Variants in RIPOR2 observed in about 807,000 individuals in gnomAD.
RIPOR2 encodes the protein RHO family interacting cell polarization regulator 2.
RIPOR2 carries 39 observed loss-of-function variants against 114.5 expected under a neutral mutation model. The ratio of observed to expected loss-of-function variants is 0.34; its 90% confidence interval spans 0.26 to 0.44. RIPOR2 has a LOEUF of 0.44. Ranked by LOEUF, RIPOR2 falls within the 20% of genes least tolerant of loss-of-function variation. The probability of loss-of-function intolerance (pLI) is 1.00; values close to 1 mark genes in which losing one functional copy is unlikely to be tolerated. For missense variants in RIPOR2, 1,007 were observed against 1,255.1 expected (o/e 0.80, Z 2.99); for synonymous variants, 445 against 484.4 (o/e 0.92, Z 1.07).
At chr6:24,839,717 C>T (rs1761466905) in intron 13 of RIPOR2, 2 of 1,459,114 alleles carry the variant, frequency 1.4e-6, no homozygotes, top group South Asian at 1.5e-5. Flanking sequence ...CTAGTGCTCA[C>T]CCCAAAATAA....
At chr6:24,980,322 T>TA (rs1369516112) in intron 1 of RIPOR2, among the ~76,000 whole-genome samples, 3 of 152,236 alleles carry the variant, frequency 2.0e-5, no homozygotes, top group Admixed American at 6.5e-5. Context: ...TTGCGCCTGT[T>TA]ATAGTGGGAA....
At position 24,818,535 on chromosome 6, in the gene RIPOR2, G is replaced by A. The variant is rs1460349839; in HGVS notation, c.2952+7C>T. ...GCTGCCAGGGGAGCTCCAAGGCTGG[G>A]CTTTACCTCAAGGATTTTCAGAGCC... On this transcript the variant is annotated splice_region_variant and intron_variant, in intron 20 of 21. Transcript: ENST00000643898. The A allele has an allele frequency of 1.3e-6, 2 of 1,543,778 alleles. No homozygotes were observed. The highest frequency in any genetic ancestry group is 2.0e-5 in the Admixed American group (1 of 50,822).
Position 25,006,227 on chromosome 6 carries a change from C to G in RIPOR2, c.76+35624G>C, listed in dbSNP as rs561992723. 2.6e-5 allele frequency among the ~76,000 whole-genome samples: 4 copies of G among 152,284 alleles called. No individual in the cohort carries two copies. The East Asian group carries it at 7.7e-4, about 29-fold the overall frequency. The stretch of plus-strand genomic sequence containing the variant: ...AAGGATTACTTTTCAATGCTCATGC[C>G]TCTTTCTGCCTTCATTCATTCGTTT... On this transcript the variant is annotated intron_variant, in intron 1 of 13. Transcript: ENST00000510784.
chr6:24,964,980 G>T (rs1773461808), intron 1 of RIPOR2, among the ~76,000 whole-genome samples: 2 of 151,864 alleles, frequency 1.3e-5, no homozygotes, highest in Admixed American at 1.3e-4. Flanking sequence ...TTTGAATTGG[G>T]TTTTTACGTT....
chr6:24,888,953 G>A (rs974375841), intron 1 of RIPOR2, among the ~76,000 whole-genome samples: 1 of 152,100 alleles, frequency 6.6e-6, no homozygotes, highest in African/African-American at 2.4e-5. Context: ...CAACATGAAG[G>A]TAAAGCAACG....
intron 1 of RIPOR2, among the ~76,000 whole-genome samples, chr6:24,924,992 G>A (rs1770756796): frequency 6.6e-6 from 1 of 152,210 alleles, no homozygotes; most frequent in South Asian, 2.1e-4. Flanking sequence ...AAATGGTCTA[G>A]TAAGGAGAAG....
At chr6:24,818,686 A>T (rs1759394805) in intron 19 of RIPOR2, 61 bp from the exon 20 acceptor site, 4 of 1,013,722 alleles carry the variant, frequency 3.9e-6, no homozygotes. Flanking sequence ...TAAGAGGTAT[A>T]CCTCATTCTT....
At chr6:24,871,915 A>G (rs1022262703) in intron 4 of RIPOR2, among the ~76,000 whole-genome samples, 3 of 152,230 alleles carry the variant, frequency 2.0e-5, no homozygotes, top group Non-Finnish European at 4.4e-5. Context: ...GGTTCCACAT[A>G]GATGCAGGCA....
At chr6:24,927,186 C>T (rs1169521104) in intron 1 of RIPOR2, among the ~76,000 whole-genome samples, 1 of 66,138 alleles carries the variant, frequency 1.5e-5, no homozygotes, top group Admixed American at 1.6e-4. Flanking sequence ...CCACCATGAC[C>T]ACCACCACAA....
At chr6:24,868,414 T>C (rs1039936434) in intron 6 of RIPOR2, among the ~76,000 whole-genome samples, 1 of 152,098 alleles carries the variant, frequency 6.6e-6, no homozygotes, top group African/African-American at 2.4e-5. Context: ...CAAACAGGAA[T>C]TGATAATGGT....
chr6:24,818,482 C>T (rs1676782076), intron 20 of RIPOR2, 60 bp downstream of exon 20: 2 of 1,007,610 alleles, frequency 2.0e-6, no homozygotes, highest in Non-Finnish European at 2.9e-6. Context: ...CTGTTATATA[C>T]ACTCAGCTTA....
At chr6:24,876,202 A>T (rs1175667799) in intron 1 of RIPOR2, among the ~76,000 whole-genome samples, 1 of 152,078 alleles carries the variant, frequency 6.6e-6, no homozygotes, top group East Asian at 1.9e-4. Flanking sequence ...AGGCAGGAGA[A>T]TTGCTTGAAC....
chr6:24,970,985 T>G (rs1453560357), intron 1 of RIPOR2, among the ~76,000 whole-genome samples: 2 of 152,102 alleles, frequency 1.3e-5, no homozygotes, highest in African/African-American at 2.4e-5. Context: ...CAGAAATAAA[T>G]GAGATAATCA....
chr6:25,023,377 C>T, intron 1 of RIPOR2: 1 of 783,124 alleles, frequency 1.3e-6, no homozygotes, highest in Non-Finnish European at 2.3e-6. Context: ...TCACCGGCTC[C>T]TCGTTGTAGG....
intron 1 of RIPOR2, among the ~76,000 whole-genome samples, chr6:24,960,655 C>A (rs1029822079): frequency 6.6e-5 from 10 of 152,248 alleles, no homozygotes; most frequent in African/African-American, 2.2e-4. Flanking sequence ...GCCTCCCCAG[C>A]AGCTGAGACT....
chr6:25,024,506 G>A (rs1490446817), intron 1 of RIPOR2: 57 of 732,734 alleles, frequency 7.8e-5, no homozygotes, highest in African/African-American at 4.2e-4. Flanking sequence ...TTGGAGGCGC[G>A]AGTTCCCAGC....
chr6:24,824,637 C>T (rs1759995725), intron 19 of RIPOR2, among the ~76,000 whole-genome samples: 1 of 152,160 alleles, frequency 6.6e-6, no homozygotes, highest in South Asian at 2.1e-4. Context: ...TTACCTCTTC[C>T]CTGGAAGTAA....
chr6:24,825,251 G>C lies in RIPOR2; in HGVS notation c.2843C>G (p.Ser948Cys), dbSNP rs746080738. The C allele has an allele frequency of 6.4e-7, 1 of 1,550,990 alleles. No individual in the cohort carries two copies. The highest frequency in any genetic ancestry group is 1.2e-5 in the South Asian group (1 of 84,022). Residue 948 changes from serine (S) to cysteine (C), a missense_variant, in exon 19 of 22, where the codon TCC becomes TGC. By Grantham distance (112) the Ser-to-Cys change is moderately radical. Transcript: ENST00000643898. Reference protein sequence around the residue: ...EAVTLYLAAASKNQHFREKAL... With the variant: ...EAVTLYLAAACKNQHFREKAL... ...CTTTTCCCTGAAATGCTGATTTTTG[G>C]AGGCTGCTGCCAAGTAAAGCGTCAC...
chr6:24,955,329 T>C (rs1303492358), intron 1 of RIPOR2, among the ~76,000 whole-genome samples: 1 of 152,226 alleles, frequency 6.6e-6, no homozygotes, highest in East Asian at 1.9e-4. Flanking sequence ...GCATATTTTC[T>C]TTGTAACCTC....
Sources: allele counts gnomAD v4.1 joint callset (sites outside exome capture counted in the v4.1 genomes callset), GRCh38; gene constraint gnomAD v4.1.1; transcripts MANE v1.5; gene names NCBI Gene and HGNC (gene_info 2026-07-23, HGNC 2026-07-21).